The following MYOF variants were observed in gnomAD, a reference collection of about 807,000 sequenced individuals.
MYOF encodes myoferlin, also known as fer-1-like 3, myoferlin.
A neutral mutation model predicts 284.2 loss-of-function variants in MYOF; 244 were observed. That is an observed-to-expected ratio of 0.86 (90% CI 0.77 to 0.95). The LOEUF is 0.95. Ranked by LOEUF, MYOF falls within the 40% of genes least tolerant of loss-of-function variation. The pLI is 0.00. For synonymous variants in MYOF, 904 were observed against 919.7 expected (o/e 0.98, Z 0.31); for missense variants, 2,496 against 2,560.6 (o/e 0.97, Z 0.54).
intron 1 of MYOF, chr10:93,478,243 G>A (rs749175382): frequency 1.2e-5 from 4 of 320,476 alleles, no homozygotes; most frequent in Middle Eastern, 3.9e-4. Context: ...TGGTCTCAGA[G>A]GTCTGTGTAG....
At position 93,397,410 on chromosome 10, in the gene MYOF, T is replaced by C; in HGVS notation, c.1268A>G (p.Gln423Arg). 6.2e-7 allele frequency: 1 copy of C among 1,612,252 alleles called. No homozygotes were observed. The highest frequency in any genetic ancestry group is 8.5e-7 in the Non-Finnish European group (1 of 1,179,570). Residue 423 changes from glutamine (Q) to arginine (R), a missense_variant, in exon 14 of 54, where the codon CAG (glutamine) becomes CGG (arginine). Transcript: ENST00000359263. ...AACCTTGATCTGAAGATTGACGACC[T>C]GATTCCACTCTGGGTTTGCATTTTT... ...IEKNANPEWN[Q>R]VVNLQIKFPS...
At chr10:93,332,823 GGT>G (rs1843391026) in intron 43 of MYOF, among the ~76,000 whole-genome samples, 1 of 152,026 alleles carries the variant, frequency 6.6e-6, no homozygotes, top group African/African-American at 2.4e-5. Context: ...CTCCAGCATG[GGT>G]GACAGCAAGA....
chr10:93,307,088 A>T, intron 53 of MYOF, 87 bp from the exon 54 acceptor site: 1 of 1,243,684 alleles, frequency 8.0e-7, no homozygotes, highest in Non-Finnish European at 1.2e-6. Flanking sequence ...GAAAAAATTG[A>T]CATTTTGAAC....
At chr10:93,319,602 AC>A (rs1842764349) in intron 49 of MYOF, among the ~76,000 whole-genome samples, 1 of 151,942 alleles carries the variant, frequency 6.6e-6, no homozygotes, top group South Asian at 2.1e-4. Flanking sequence ...CTAATACAAA[AC>A]CGTTACTTCT....
intron 35 of MYOF, 70 bp downstream of exon 35, chr10:93,351,127 T>C: frequency 6.7e-7 from 1 of 1,485,286 alleles, no homozygotes; most frequent in South Asian, 1.2e-5. Context: ...TTCTATGTTC[T>C]ATACAAAAGA....
intron 23 of MYOF, among the ~76,000 whole-genome samples, chr10:93,373,410 C>T (rs1845682763): frequency 6.6e-6 from 1 of 152,148 alleles, no homozygotes; most frequent in Admixed American, 6.5e-5. Flanking sequence ...AGAAAGCCAC[C>T]AGCAGCAGTC....
intron 49 of MYOF, among the ~76,000 whole-genome samples, chr10:93,319,457 G>T (rs1299514570): frequency 3.3e-5 from 5 of 152,144 alleles, no homozygotes; most frequent in African/African-American, 1.2e-4. Flanking sequence ...TGCCTCTGAG[G>T]GAGGTAAAGC....
Position 93,389,090 on chromosome 10 carries a change from A to G in MYOF, c.1521T>C (p.Tyr507=). The G allele has an allele frequency of 1.9e-6, 3 of 1,614,194 alleles. No individual in the cohort carries two copies. Among genetic ancestry groups the G allele is most frequent in the Non-Finnish European group, 2.5e-6 (3 of 1,180,014 alleles). The change falls in exon 18 of 54, where the codon TAT becomes TAC. Residue 507 remains tyrosine (Y), a synonymous_variant. Coordinates refer to ENST00000359263, the MANE Select transcript of MYOF (RefSeq NM_013451.4). ...PTFGPCYLNL[Y]GSPREYTGFP... is the part of the protein sequence containing the mutation. Reference sequence around the variant, plus strand: ...ATCCCGTGTACTCTCTGGGGCTTCCATAAAGATTCAGGTAACAAGGTCCAA... The same window carrying G: ...ATCCCGTGTACTCTCTGGGGCTTCCGTAAAGATTCAGGTAACAAGGTCCAA...
chr10:93,408,717 T>C, intron 7 of MYOF, 70 bp downstream of exon 7: 1 of 1,596,372 alleles, frequency 6.3e-7, no homozygotes, highest in African/African-American at 1.3e-5. Context: ...TCTTCACCAG[T>C]GAAGCTGCTC....
chr10:93,350,656 C>T (rs1395258327), intron 35 of MYOF, among the ~76,000 whole-genome samples: 4 of 152,204 alleles, frequency 2.6e-5, no homozygotes, highest in South Asian at 2.1e-4. Flanking sequence ...GGAAGCATTT[C>T]GAAGTGATAG....
chr10:93,373,941 A>G (rs570072398), intron 23 of MYOF, among the ~76,000 whole-genome samples: 255 of 152,228 alleles, frequency 1.7e-3, no homozygotes, highest in Admixed American at 2.7e-3. Flanking sequence ...TACATGTGCC[A>G]TGTTGGTTTG....
intron 49 of MYOF, among the ~76,000 whole-genome samples, chr10:93,319,627 C>T (rs1439227050): frequency 6.6e-6 from 1 of 152,114 alleles, no homozygotes; most frequent in African/African-American, 2.4e-5. Context: ...CTTTATCCTT[C>T]GCCACCAGTA....
chr10:93,407,480 C>T (rs1847659093), intron 7 of MYOF, among the ~76,000 whole-genome samples: 1 of 147,136 alleles, frequency 6.8e-6, no homozygotes, highest in African/African-American at 2.5e-5. Context: ...CCTGTAATCC[C>T]AGCACTATGG....
At chr10:93,390,548 T>C (rs1589489366) in intron 17 of MYOF, among the ~76,000 whole-genome samples, 1 of 152,334 alleles carries the variant, frequency 6.6e-6, no homozygotes, top group South Asian at 2.1e-4. Context: ...CTCTGAATCA[T>C]GTTATCATCT....
At position 93,392,905 on chromosome 10, in the gene MYOF, C is replaced by CAAAAAAAACAGAGA; in HGVS notation, c.1456+11_1456+12insTCTCTGTTTTTTTT. On this transcript the variant is annotated intron_variant, in intron 17 of 53. Coordinates refer to ENST00000359263, the MANE Select transcript of MYOF (RefSeq NM_013451.4). ...GAAGATATAACAGAGAGCAAAATTA[C>CAAAAAAAACAGAGA]GAAGCATAAACCTGTATATGATGCA... 1 of 1,606,084 alleles carries CAAAAAAAACAGAGA rather than the reference C, an allele frequency of 6.2e-7. No individual in the cohort carries two copies. The highest frequency in any genetic ancestry group is 8.5e-7 in the Non-Finnish European group (1 of 1,173,664).
chr10:93,335,615 C>G (rs557197960), intron 41 of MYOF, among the ~76,000 whole-genome samples: 1 of 134,778 alleles, frequency 7.4e-6, no homozygotes, highest in Admixed American at 7.3e-5. Flanking sequence ...GGAAGAGATG[C>G]GGAGATGGCT....
At chr10:93,310,478 G>A (rs1003239007) in intron 52 of MYOF, 56 bp downstream of exon 52, 1 of 1,545,142 alleles carries the variant, frequency 6.5e-7, no homozygotes, top group African/African-American at 1.4e-5. Context: ...CAATGGGAAG[G>A]GGGGCTCTCA....
chr10:93,341,886 C>G, intron 38 of MYOF: 4 of 1,286,568 alleles, frequency 3.1e-6, no homozygotes, highest in Non-Finnish European at 4.1e-6. Context: ...TCCCAGGCAG[C>G]CTCATGCATT....
rs1554844077 is a variant in MYOF, at chr10:93,354,666, A to ACTCTCTCTCCCTCT, written c.3404-779_3404-778insAGAGGGAGAGAGAG. On this transcript the variant is annotated intron_variant, in intron 31 of 53. Transcript: ENST00000359263. ...CTCTGTCTCTATCACTCACACATTC[A>ACTCTCTCTCCCTCT]CTCTCTCTCTCTCTCTCTCTCTCTC... 3.4e-3 allele frequency among the ~76,000 whole-genome samples: 405 copies of ACTCTCTCTCCCTCT among 119,312 alleles called. 5 individuals carry two copies. The highest frequency in any genetic ancestry group is 0.02 in the South Asian group (69 of 3,506). 78.3% of individuals were successfully genotyped at this position (119,312 alleles called of 152,430 possible). A position where few individuals can be genotyped will look rare whatever the true frequency, so the allele number is the denominator to read the frequency against.
Sources: gnomAD v4.1 joint callset for allele counts (sites outside exome capture counted in the v4.1 genomes callset) on GRCh38, gnomAD v4.1.1 for gene constraint, MANE v1.5 for transcripts, NCBI Gene and HGNC (gene_info 2026-07-23, HGNC 2026-07-21) for gene names.